Variants in TMEM41B observed in about 807,000 individuals in gnomAD.
TMEM41B encodes transmembrane protein 41B.
A neutral mutation model predicts 31.9 loss-of-function variants in TMEM41B; 18 were observed. The ratio of observed to expected loss-of-function variants is 0.56; its 90% CI spans 0.39 to 0.84. The LOEUF is 0.84. Ranked by LOEUF, TMEM41B falls within the 40% of genes least tolerant of loss-of-function variation. The pLI, the probability that TMEM41B is intolerant of heterozygous loss-of-function variation, is 0.00. For missense variants in TMEM41B, 322 were observed against 348.0 expected, an observed-to-expected ratio of 0.93 and a Z score of 0.59; for synonymous variants, 144 against 124.3, an observed-to-expected ratio of 1.16 and a Z score of -1.05.
chr11:9,290,578 G>T (rs1210802461), intron 3 of TMEM41B, among the ~76,000 whole-genome samples: 1 of 151,628 alleles, frequency 6.6e-6, no homozygotes, highest in Non-Finnish European at 1.5e-5. Context: ...AGAAAAGAAA[G>T]CAAGACTCCA....
At chr11:9,283,640 T>G in intron 6 of TMEM41B, 47 bp from the exon 7 acceptor site, 1 of 1,519,054 alleles carries the variant, frequency 6.6e-7, no homozygotes, top group East Asian at 2.3e-5. Context: ...CGCAATTGTT[T>G]TTAAAAAATT....
At chr11:9,293,242 A>G (rs962263422) in intron 3 of TMEM41B, among the ~76,000 whole-genome samples, 2 of 152,048 alleles carry the variant, frequency 1.3e-5, no homozygotes, top group Non-Finnish European at 2.9e-5. Flanking sequence ...AGCTAGGACT[A>G]CAGGCATGTA....
intron 1 of TMEM41B, 139 bp from the exon 2 acceptor site, chr11:9,299,840 C>A: frequency 2.9e-6 from 2 of 691,214 alleles, no homozygotes. Flanking sequence ...AAGCACTGGG[C>A]CGGGCACAGT....
chr11:9,297,231 C>T (rs1474105026), intron 2 of TMEM41B, among the ~76,000 whole-genome samples: 1 of 152,168 alleles, frequency 6.6e-6, no homozygotes, highest in Non-Finnish European at 1.5e-5. Flanking sequence ...ACTACGGGCG[C>T]CCGCCACCAC....
At chr11:9,302,045 C>A (rs1201060458) in intron 1 of TMEM41B, among the ~76,000 whole-genome samples, 1 of 133,898 alleles carries the variant, frequency 7.5e-6, no homozygotes, top group Admixed American at 7.8e-5. Context: ...CCTGCTCAGT[C>A]GCCCAGGCTG....
intron 1 of TMEM41B, among the ~76,000 whole-genome samples, chr11:9,304,092 T>C (rs1415812265): frequency 6.6e-6 from 1 of 152,220 alleles, no homozygotes; most frequent in Admixed American, 6.5e-5. Context: ...AGTACAAAGG[T>C]ACCTTCTGAT....
At chr11:9,287,914 G>A in intron 4 of TMEM41B, 108 bp from the exon 5 acceptor site, 1 of 803,576 alleles carries the variant, frequency 1.2e-6, no homozygotes, top group Non-Finnish European at 2.0e-6. Flanking sequence ...CAGAGGTGGG[G>A]AGGGTACTCT....
At chr11:9,297,510 A>G (rs2133627697) in intron 2 of TMEM41B, among the ~76,000 whole-genome samples, 1 of 152,192 alleles carries the variant, frequency 6.6e-6, no homozygotes, top group East Asian at 2.0e-4. Flanking sequence ...TGGGCAGCAC[A>G]GTGAAACCCC....
chr11:9,310,441 TC>T (rs1223807011), intron 1 of TMEM41B, among the ~76,000 whole-genome samples: 3 of 152,106 alleles, frequency 2.0e-5, no homozygotes, highest in Non-Finnish European at 4.4e-5. Flanking sequence ...TCTCTTCTAT[TC>T]CATTTTTTTT....
chr11:9,288,574 T>C (rs778708086), intron 3 of TMEM41B, 39 bp from the exon 4 acceptor site: 44 of 1,387,808 alleles, frequency 3.2e-5, no homozygotes, highest in Non-Finnish European at 4.0e-5. Context: ...TATAATTAAG[T>C]AGAATTTTAA....
At chr11:9,313,305 G>C (rs1270615460) in intron 1 of TMEM41B, among the ~76,000 whole-genome samples, 1 of 152,202 alleles carries the variant, frequency 6.6e-6, no homozygotes, top group East Asian at 1.9e-4. Context: ...GACTGTTGGA[G>C]ACATTTTAAA....
intron 3 of TMEM41B, among the ~76,000 whole-genome samples, chr11:9,289,545 A>C (rs1033925399): frequency 1.3e-5 from 2 of 151,756 alleles, no homozygotes; most frequent in Non-Finnish European, 2.9e-5. Flanking sequence ...GTTCTCTTTC[A>C]CAGGATGCCT....
chr11:9,309,674 G>A (rs1282280266), intron 1 of TMEM41B, among the ~76,000 whole-genome samples: 1 of 151,646 alleles, frequency 6.6e-6, no homozygotes, highest in African/African-American at 2.4e-5. Context: ...TGTAATCCCA[G>A]CACTTTGGGA....
chr11:9,290,495 CGTAT>C (rs1156966171), intron 3 of TMEM41B, among the ~76,000 whole-genome samples: 1 of 151,450 alleles, frequency 6.6e-6, no homozygotes, highest in Non-Finnish European at 1.5e-5. Flanking sequence ...CACACATATA[CGTAT>C]GTAACAAACC....
At chr11:9,312,691 G>C (rs1322838587) in intron 1 of TMEM41B, among the ~76,000 whole-genome samples, 2 of 152,082 alleles carry the variant, frequency 1.3e-5, no homozygotes, top group African/African-American at 4.8e-5. Context: ...GGATCAACAG[G>C]TCAGGAGATC....
chr11:9,302,989 C>A lies in TMEM41B; in HGVS notation c.122-3288G>T, dbSNP rs1162252061. Among the ~76,000 whole-genome samples, 5 of 99,716 alleles carry A rather than the reference C, an allele frequency of 5.0e-5. 2 individuals are homozygous for A. Among genetic ancestry groups the A allele is most frequent in the Non-Finnish European group, 1.1e-4 (5 of 46,414 alleles). The allele number at this position is 99,716 out of a possible 152,430, so 65.4% of individuals were successfully genotyped here. A position where few individuals can be genotyped will look rare whatever the true frequency, so the allele number is the denominator to read the frequency against. On this transcript the variant is annotated intron_variant, in intron 1 of 6. Coordinates refer to ENST00000528080, the MANE Select transcript of TMEM41B (RefSeq NM_015012.4). ...GTGAGACCCTATCTCTAAAAGGAACCAAATAATGTGAAGTGTATTTCCAAA... is the reference window on the plus strand; with the variant it reads ...GTGAGACCCTATCTCTAAAAGGAACAAAATAATGTGAAGTGTATTTCCAAA...
In TMEM41B at chr11:9,299,204, C is replaced by G. The variant is rs542749441; in HGVS notation, c.239+380G>C. On this transcript the variant is annotated intron_variant, in intron 2 of 6. Coordinates refer to ENST00000528080, the MANE Select transcript of TMEM41B (RefSeq NM_015012.4). The stretch of plus-strand genomic sequence containing the variant: ...GCTGAGGCAGGAGAACTGCTTGAAC[C>G]TGGGAAGCAGGGCTTATACAGTGAG... Among the ~76,000 whole-genome samples, 3 of 138,042 alleles carry G rather than the reference C, an allele frequency of 2.2e-5. No homozygotes were observed. The Middle Eastern group carries it at 0.014, about 639-fold the overall frequency. 90.6% of individuals were successfully genotyped at this position (138,042 alleles called of 152,430 possible). A position where few individuals can be genotyped will look rare whatever the true frequency, so the allele number is the denominator to read the frequency against.
intron 3 of TMEM41B, among the ~76,000 whole-genome samples, chr11:9,294,074 G>A (rs547909030): frequency 3.8e-4 from 57 of 150,824 alleles, no homozygotes; most frequent in Admixed American, 1.1e-3. Context: ...CCAGCTACTC[G>A]GGAGGCTGAG....
At chr11:9,311,565 G>A in intron 1 of TMEM41B, 1 of 1,157,034 alleles carries the variant, frequency 8.6e-7, no homozygotes, top group East Asian at 2.4e-5. Context: ...TGGGGGAGGA[G>A]GACAGGGGCC....
Sources: allele counts gnomAD v4.1 joint callset (sites outside exome capture counted in the v4.1 genomes callset), GRCh38; gene constraint gnomAD v4.1.1; transcripts MANE v1.5; gene names NCBI Gene and HGNC (gene_info 2026-07-23, HGNC 2026-07-21).